Variants in FRMD4B observed in about 807,000 individuals in gnomAD.
The protein encoded by FRMD4B is FERM domain-containing protein 4B.
A neutral mutation model predicts 141.5 loss-of-function variants in FRMD4B; 74 were observed. The observed-to-expected ratio is 0.52, with a 90% CI of 0.43 to 0.63. The LOEUF (loss-of-function observed/expected upper bound fraction) is 0.63. Among genes scored for constraint, FRMD4B ranks in the 30% least tolerant of loss-of-function variants. The pLI, the probability that FRMD4B is intolerant of heterozygous loss-of-function variation, is 0.00. For synonymous variants in FRMD4B, 506 were observed against 467.9 expected, an observed-to-expected ratio of 1.08 and a Z score of -1.05; for missense variants, 1,366 against 1,253.4, an observed-to-expected ratio of 1.09 and a Z score of -1.36.
At chr3:69,432,428 G>A (rs1342450712) in intron 2 of FRMD4B, among the ~76,000 whole-genome samples, 3 of 152,046 alleles carry the variant, frequency 2.0e-5, no homozygotes, top group Non-Finnish European at 4.4e-5. Context: ...TTGAAAGTAG[G>A]GGAGTAACTT....
intron 1 of FRMD4B, among the ~76,000 whole-genome samples, chr3:69,373,048 C>T (rs932188465): frequency 3.3e-5 from 5 of 152,144 alleles, no homozygotes; most frequent in Admixed American, 6.5e-5. Flanking sequence ...CATGATTTGA[C>T]TTTAGGGATA....
At chr3:69,366,624 A>G (rs934827410) in intron 1 of FRMD4B, among the ~76,000 whole-genome samples, 5 of 152,246 alleles carry the variant, frequency 3.3e-5, no homozygotes, top group Non-Finnish European at 7.3e-5. Flanking sequence ...TCATGTTCTA[A>G]GCCATGCATA....
intron 7 of FRMD4B, among the ~76,000 whole-genome samples, chr3:69,247,489 A>G (rs1025838927): frequency 7.9e-5 from 12 of 152,222 alleles, no homozygotes; most frequent in Non-Finnish European, 1.8e-4. Context: ...AGACAACAGT[A>G]GAGACACAGC....
At chr3:69,400,334 A>C (rs933285482) in intron 2 of FRMD4B, among the ~76,000 whole-genome samples, 1 of 151,990 alleles carries the variant, frequency 6.6e-6, no homozygotes, top group African/African-American at 2.4e-5. Context: ...ATGAGCTATG[A>C]TCACTCCACT....
chr3:69,340,924 AT>A (rs1435204017), intron 1 of FRMD4B, among the ~76,000 whole-genome samples: 3 of 152,238 alleles, frequency 2.0e-5, no homozygotes, highest in Admixed American at 6.5e-5. Context: ...CAATAAAAAA[AT>A]AATTAAAATG....
intron 7 of FRMD4B, among the ~76,000 whole-genome samples, chr3:69,248,906 GTT>G: frequency 1.3e-5 from 2 of 151,802 alleles, no homozygotes; most frequent in East Asian, 3.9e-4. Context: ...TTATTGTAAG[GTT>G]TTTTTTTATC....
rs538664137 is a variant in FRMD4B, at chr3:69,471,080, T to C, written c.-128-38319A>G. On this transcript the variant is annotated intron_variant, in intron 1 of 5. Coordinates refer to the FRMD4B transcript ENST00000459638. ...AATTGCCCATGGCATAAGAGTTATC[T>C]TCCAAACTTCTCATATGTTAAGGCT... Among the ~76,000 whole-genome samples, 4 of 152,320 alleles carry C rather than the reference T, an allele frequency of 2.6e-5. 1 individual carries two copies. Among genetic ancestry groups the C allele is most frequent in the African/African-American group, 7.2e-5 (3 of 41,576 alleles).
At chr3:69,413,477 T>C (rs1368946493) in intron 2 of FRMD4B, among the ~76,000 whole-genome samples, 3 of 152,206 alleles carry the variant, frequency 2.0e-5, no homozygotes, top group Admixed American at 1.3e-4. Context: ...GCACACTAAA[T>C]GTTCTTACTA....
rs751158380 is a variant in FRMD4B at position 69,224,633 on chromosome 3, A to G, written c.639T>C (p.Leu213=). Residue 213 remains leucine, a synonymous_variant, in exon 8 of 23, where the codon CTT becomes CTC. Transcript: ENST00000398540. Reference sequence around the variant, plus strand: ...AGTAGGCAAGGGATGGATGCTCCTGAAGAGTTTTGGTTGGAAAGGCTGGTA... The same window carrying G: ...AGTAGGCAAGGGATGGATGCTCCTGGAGAGTTTTGGTTGGAAAGGCTGGTA... ...KTLPAFPTKT[L]QEHPSLAYCE... is the part of the protein sequence containing the mutation. 1.1e-5 allele frequency: 18 copies of G among 1,584,394 alleles called. No homozygotes were observed. The South Asian group carries it at 1.6e-4, about 14-fold the overall frequency.
At position 69,282,648 on chromosome 3, in the gene FRMD4B, G is replaced by A. The variant is rs917802546; in HGVS notation, c.501+5104C>T. 5.3e-5 allele frequency among the ~76,000 whole-genome samples: 8 copies of A among 152,128 alleles called. No individual in the cohort carries two copies. In the South Asian group the frequency reaches 6.2e-4, roughly 12 times the overall value. On this transcript the variant is annotated intron_variant, in intron 5 of 22. Coordinates refer to ENST00000398540, the MANE Select transcript of FRMD4B (RefSeq NM_015123.3). ...TACCAGCCATCTACATTTTATATAC[G>A]TATATTTGGAGATGGAGTCTCATTC... is the stretch of plus-strand genomic sequence containing the variant.
intron 5 of FRMD4B, among the ~76,000 whole-genome samples, chr3:69,269,239 T>C (rs1029974202): frequency 6.6e-6 from 1 of 151,796 alleles, no homozygotes; most frequent in East Asian, 1.9e-4. Flanking sequence ...GATGAGAACA[T>C]TTTATAACCG....
chr3:69,412,504 T>TG (rs1177785479), intron 2 of FRMD4B, among the ~76,000 whole-genome samples: 1 of 152,184 alleles, frequency 6.6e-6, no homozygotes, highest in Non-Finnish European at 1.5e-5. Flanking sequence ...AGGTGGAATA[T>TG]GGGCTGCTTC....
At chr3:69,471,107 C>CT (rs901003834) in intron 1 of FRMD4B, among the ~76,000 whole-genome samples, 82 of 152,248 alleles carry the variant, frequency 5.4e-4, no homozygotes, top group African/African-American at 1.9e-3. Context: ...GTTAAGGCTA[C>CT]TTTTTTTCTA....
chr3:69,458,200 G>A (rs1379205061), intron 1 of FRMD4B, among the ~76,000 whole-genome samples: 1 of 152,124 alleles, frequency 6.6e-6, no homozygotes, highest in Non-Finnish European at 1.5e-5. Flanking sequence ...GCTCATAGAT[G>A]GAGTCAAATA....
chr3:69,518,085 T>C lies in FRMD4B; in HGVS notation c.-129+24121A>G, dbSNP rs577766299. ...TGGGCTACTCCTTTTTTAAGCGAAC[T>C]TAGAATAATTAAAAAGTGACCCCTA... On this transcript the variant is annotated intron_variant, in intron 1 of 5. Coordinates refer to the FRMD4B transcript ENST00000459638. Among the ~76,000 whole-genome samples the C allele has an allele frequency of 5.6e-4, 85 of 152,236 alleles. 1 individual carries two copies. Among genetic ancestry groups the C allele is most frequent in the African/African-American group, 1.9e-3 (77 of 41,546 alleles).
At chr3:69,285,615 A>G (rs1375474172) in intron 5 of FRMD4B, among the ~76,000 whole-genome samples, 1 of 152,096 alleles carries the variant, frequency 6.6e-6, no homozygotes, top group African/African-American at 2.4e-5. Context: ...GGCTCGAGGC[A>G]GGTGGATCAC....
intron 4 of FRMD4B, among the ~76,000 whole-genome samples, chr3:69,300,184 C>T (rs59851645): frequency 0.058 from 8,855 of 152,134 alleles, 855 homozygotes; most frequent in African/African-American, 0.2. Context: ...ACAGTGACCT[C>T]GGTCAGTTCA....
chr3:69,323,621 T>C, intron 1 of FRMD4B, among the ~76,000 whole-genome samples: 1 of 34,356 alleles, frequency 2.9e-5, no homozygotes, highest in Admixed American at 3.8e-4. Context: ...TATATATATA[T>C]ATATATATAT....
At chr3:69,492,806 C>T (rs918462924) in intron 1 of FRMD4B, among the ~76,000 whole-genome samples, 1 of 152,188 alleles carries the variant, frequency 6.6e-6, no homozygotes, top group African/African-American at 2.4e-5. Flanking sequence ...TGTATGTCTG[C>T]TTAGTTATTT....
Sources: gnomAD v4.1 joint callset for allele counts (sites outside exome capture counted in the v4.1 genomes callset) on GRCh38, gnomAD v4.1.1 for gene constraint, MANE v1.5 for transcripts, NCBI Gene and HGNC (gene_info 2026-07-23, HGNC 2026-07-21) for gene names.